ZNF143: variants seen among roughly 807,000 people sequenced by gnomAD.
ZNF143 encodes the protein zinc finger protein 143.
In ZNF143, 49 loss-of-function variants were observed where a neutral mutation model predicts 74.1. The observed-to-expected ratio is 0.66, with a 90% CI of 0.53 to 0.84. The LOEUF (loss-of-function observed/expected upper bound fraction) is 0.84, where lower values mean the gene tolerates loss of function less well. ZNF143 is among the 40% of genes least tolerant of loss of function. ZNF143 has a pLI of 0.00. For synonymous variants in ZNF143, 304 were observed against 282.8 expected (o/e 1.07, Z -0.75); for missense variants, 637 against 793.4 (o/e 0.80, Z 2.37).
intron 7 of ZNF143, among the ~76,000 whole-genome samples, chr11:9,481,674 G>A (rs1847243995): frequency 6.6e-6 from 1 of 151,974 alleles, no homozygotes; most frequent in Non-Finnish European, 1.5e-5. Context: ...GATCACCTGA[G>A]GTCAGGAGTC....
chr11:9,486,421 T>TATATATATATATATA (rs1565039253), intron 7 of ZNF143, among the ~76,000 whole-genome samples: 4 of 18,544 alleles, frequency 2.2e-4, no homozygotes, highest in African/African-American at 5.8e-4. Flanking sequence ...TAATATATAT[T>TATATATATATATATA]ATATATATTA....
At chr11:9,525,159 C>A (rs1228798042) in intron 14 of ZNF143, 81 bp from the exon 15 acceptor site, 2 of 1,510,606 alleles carry the variant, frequency 1.3e-6, no homozygotes, top group Non-Finnish European at 1.8e-6. Flanking sequence ...TTGAAGAAAT[C>A]CATTGTATTA....
intron 8 of ZNF143, among the ~76,000 whole-genome samples, chr11:9,495,214 C>T (rs1207922967): frequency 2.6e-5 from 4 of 152,184 alleles, no homozygotes; most frequent in South Asian, 2.1e-4. Flanking sequence ...GAGGCCGAGG[C>T]GGGTGGATCA....
intron 7 of ZNF143, among the ~76,000 whole-genome samples, chr11:9,480,199 C>A (rs1039556511): frequency 6.6e-6 from 1 of 152,142 alleles, no homozygotes; most frequent in Non-Finnish European, 1.5e-5. Flanking sequence ...ACAAAGTAGT[C>A]CCAGGTGCAT....
intron 5 of ZNF143, among the ~76,000 whole-genome samples, chr11:9,476,615 G>A (rs1856906934): frequency 6.6e-6 from 1 of 151,818 alleles, no homozygotes; most frequent in Non-Finnish European, 1.5e-5. Context: ...CAGGTGATCC[G>A]CCCACTTCAG....
chr11:9,472,646 T>C (rs1446377777), intron 2 of ZNF143, 31 bp from the exon 3 acceptor site: 1 of 1,585,826 alleles, frequency 6.3e-7, no homozygotes, highest in African/African-American at 1.4e-5. Flanking sequence ...ATGCTAGCTG[T>C]CTAAAGAAAA....
chr11:9,499,684 C>G (rs1456969860), intron 10 of ZNF143, among the ~76,000 whole-genome samples: 1 of 152,112 alleles, frequency 6.6e-6, no homozygotes, highest in East Asian at 1.9e-4. Context: ...CCACTGCATT[C>G]CAGCCTGAGC....
At chr11:9,516,669 G>A (rs1848735238) in intron 14 of ZNF143, among the ~76,000 whole-genome samples, 1 of 152,018 alleles carries the variant, frequency 6.6e-6, no homozygotes, top group South Asian at 2.1e-4. Context: ...CAGATACTTA[G>A]GAAATACTTG....
rs1849179290 is a variant in ZNF143, at chr11:9,527,720, C to T, written c.*107C>T. ...AATTAGAAGTTTTCCATTCCTGATACACTGTACACATTTTTATGCGAGAGT... is the reference window on the plus strand; with the variant it reads ...AATTAGAAGTTTTCCATTCCTGATATACTGTACACATTTTTATGCGAGAGT... On this transcript the variant is annotated 3_prime_UTR_variant, in exon 16 of 16. Transcript: ENST00000396602. 4.3e-6 allele frequency: 4 copies of T among 939,522 alleles called. No individual in the cohort carries two copies. In the Admixed American group the frequency reaches 7.0e-5, roughly 16 times the overall value. The allele number at this position is 939,522 out of a possible 1,614,324, so 58.2% of individuals were successfully genotyped here.
intron 7 of ZNF143, among the ~76,000 whole-genome samples, chr11:9,489,884 A>T (rs1459056311): frequency 6.6e-6 from 1 of 152,194 alleles, no homozygotes; most frequent in African/African-American, 2.4e-5. Flanking sequence ...TTGTATATGT[A>T]TTTAAAAAAC....
intron 1 of ZNF143, among the ~76,000 whole-genome samples, chr11:9,463,476 G>T (rs72852964): frequency 6.6e-6 from 1 of 152,150 alleles, no homozygotes; most frequent in South Asian, 2.1e-4. Context: ...AGTTTTTCTA[G>T]TGTGGATGAA....
chr11:9,481,339 T>C (rs1847230407), intron 7 of ZNF143, among the ~76,000 whole-genome samples: 4 of 152,090 alleles, frequency 2.6e-5, no homozygotes, highest in Admixed American at 2.6e-4. Context: ...GTGAGCTGAT[T>C]GTGCCACTGC....
At chr11:9,472,213 G>C (rs569285062) in intron 2 of ZNF143, among the ~76,000 whole-genome samples, 66 of 152,100 alleles carry the variant, frequency 4.3e-4, no homozygotes, top group Non-Finnish European at 7.4e-4. Context: ...ACAGGCATGA[G>C]CCATTGTTCC....
At chr11:9,495,676 T>G (rs1306879814) in intron 8 of ZNF143, among the ~76,000 whole-genome samples, 2 of 152,208 alleles carry the variant, frequency 1.3e-5, no homozygotes, top group East Asian at 3.9e-4. Context: ...ATCTATAAAA[T>G]TGGATCCTAA....
At chr11:9,474,694 A>G in intron 5 of ZNF143, 61 bp downstream of exon 5, 2 of 1,464,610 alleles carry the variant, frequency 1.4e-6, no homozygotes, top group Non-Finnish European at 9.6e-7. Flanking sequence ...GGGGGAAAGA[A>G]GACCTGTGTT....
At position 9,525,942 on chromosome 11, in the gene ZNF143, G is replaced by T. The variant is rs150959524; in HGVS notation, c.1833+556G>T. The stretch of plus-strand genomic sequence containing the variant: ...AGGTAGCTTGAGCTTAGGAATTAGA[G>T]ACCAGCCTGGGCAACATGGTGAAAA... On this transcript the variant is annotated intron_variant, in intron 15 of 15. Transcript: ENST00000396602. Among the ~76,000 whole-genome samples the T allele has an allele frequency of 2.3e-3, 356 of 152,176 alleles. 7 individuals carry two copies. The highest frequency in any genetic ancestry group is 8.0e-3 in the African/African-American group (332 of 41,528).
chr11:9,496,688 C>G lies in ZNF143; in HGVS notation c.841+310C>G, dbSNP rs138167406. The stretch of plus-strand genomic sequence containing the variant: ...CTTGGCTCACTGCAACCTCCGCCTC[C>G]CAGGTTCAAGCAATTCTAGTGCCTC... On this transcript the variant is annotated intron_variant, in intron 9 of 15. Transcript: ENST00000396602. 2.8e-3 allele frequency among the ~76,000 whole-genome samples: 428 copies of G among 151,932 alleles called. 4 individuals are homozygous for G. Among genetic ancestry groups the G allele is most frequent in the African/African-American group, 9.2e-3 (383 of 41,422 alleles).
chr11:9,466,276 C>T (rs1250978341), intron 1 of ZNF143, among the ~76,000 whole-genome samples: 1 of 150,372 alleles, frequency 6.7e-6, no homozygotes, highest in Non-Finnish European at 1.5e-5. Context: ...AGCCACCATG[C>T]GCAGCCTAAT....
rs1228006170 is a variant in ZNF143 at position 9,496,248 on chromosome 11, A to G, written c.766-55A>G. The G allele has an allele frequency of 4.6e-6, 7 of 1,533,528 alleles. No homozygotes were observed. In the East Asian group the frequency reaches 9.0e-5, roughly 20 times the overall value. The allele number at this position is 1,533,528 out of a possible 1,614,324, so 95.0% of individuals were successfully genotyped here. A position where few individuals can be genotyped will look rare whatever the true frequency, so the allele number is the denominator to read the frequency against. On this transcript the variant is annotated intron_variant, in intron 8 of 15. Transcript: ENST00000396602. ...GAAAAAGTAGTTCTGTGTTGCAACC[A>G]TCTTCCTGAGGAATACGTAAAGGAA...
Sources: gnomAD v4.1 joint callset for allele counts (sites outside exome capture counted in the v4.1 genomes callset) on GRCh38, gnomAD v4.1.1 for gene constraint, MANE v1.5 for transcripts, NCBI Gene and HGNC (gene_info 2026-07-23, HGNC 2026-07-21) for gene names.